Variants in CLNK observed in about 807,000 individuals in gnomAD.
CLNK encodes cytokine-dependent hematopoietic cell linker.
Under a neutral mutation model 68.6 loss-of-function variants are expected in CLNK, and 74 were observed. The ratio of observed to expected loss-of-function variants is 1.08; its 90% CI spans 0.89 to 1.31. The LOEUF is 1.31. CLNK is among the 50% of genes most tolerant of loss of function. The pLI is 0.00. For missense variants in CLNK, 553 were observed against 515.3 expected, an observed-to-expected ratio of 1.07 and a Z score of -0.71; for synonymous variants, 198 against 172.2, an observed-to-expected ratio of 1.15 and a Z score of -1.17.
At chr4:10,701,156 C>T in the CLNK span, among the ~76,000 whole-genome samples, 3 of 152,180 alleles carry the variant, frequency 2.0e-5, no homozygotes, top group Admixed American at 2.0e-4. Flanking sequence ...ATAGCTGTTT[C>T]ATTTGTTTGT....
intron 7 of CLNK, among the ~76,000 whole-genome samples, chr4:10,564,267 G>A (rs542202924): frequency 2.0e-4 from 31 of 152,080 alleles, no homozygotes; most frequent in African/African-American, 7.0e-4. Flanking sequence ...GGCTTAGAGA[G>A]GTTTCATGAC....
chr4:10,624,630 A>G (rs1156640336), intron 2 of CLNK, among the ~76,000 whole-genome samples: 1 of 132,776 alleles, frequency 7.5e-6, no homozygotes, highest in Non-Finnish European at 1.6e-5. Flanking sequence ...AACTTATTTG[A>G]TAGCAAATAC....
At chr4:10,501,916 G>A (rs879916542) in intron 17 of CLNK, among the ~76,000 whole-genome samples, 20 of 152,192 alleles carry the variant, frequency 1.3e-4, no homozygotes, top group Admixed American at 3.3e-4. Flanking sequence ...AACAGAGCAG[G>A]ACTCTGGTTC....
intron 1 of CLNK, among the ~76,000 whole-genome samples, chr4:10,673,258 T>C (rs949931818): frequency 1.3e-5 from 2 of 152,172 alleles, no homozygotes; most frequent in African/African-American, 4.8e-5. Flanking sequence ...TAAGGTATTA[T>C]GGGAACACAG....
intron 8 of CLNK, among the ~76,000 whole-genome samples, chr4:10,547,340 A>G (rs867076867): frequency 3.5e-4 from 54 of 152,178 alleles, no homozygotes; most frequent in African/African-American, 1.3e-3. Context: ...AGAGCTTTAC[A>G]TATTTACTGT....
In CLNK at chr4:10,488,121, T is replaced by C. The variant is rs966473036; in HGVS notation, c.*2346A>G. 2.0e-5 allele frequency: 3 copies of C among 152,224 alleles called. No homozygotes were observed. The highest frequency in any genetic ancestry group is 7.2e-5 in the African/African-American group (3 of 41,450). 9.4% of individuals were successfully genotyped at this position (152,224 alleles called of 1,614,324 possible). ...TTTAATTTCTTTTTTTTCTTCCTTT[T>C]CCCCTCATTCTTGCTGTCATCTTAA... On this transcript the variant is annotated 3_prime_UTR_variant, in exon 19 of 19. Transcript: ENST00000226951.
intron 2 of CLNK, among the ~76,000 whole-genome samples, chr4:10,646,675 C>G (rs1351404651): frequency 6.6e-6 from 1 of 152,046 alleles, no homozygotes; most frequent in Admixed American, 6.6e-5. Flanking sequence ...GGGCTTTCTT[C>G]TCTCACCTGC....
At chr4:10,527,620 T>A (rs35577745) in intron 13 of CLNK, among the ~76,000 whole-genome samples, 7,196 of 152,194 alleles carry the variant, frequency 0.047, 180 homozygotes, top group African/African-American at 0.076. Flanking sequence ...AGGATATGAG[T>A]GACTGTTGGA....
chr4:10,604,435 CGAG>C (rs1423162969), intron 2 of CLNK, among the ~76,000 whole-genome samples: 1 of 152,088 alleles, frequency 6.6e-6, no homozygotes, highest in Non-Finnish European at 1.5e-5. Flanking sequence ...TCTTCTAAGC[CGAG>C]GAGATTTTTA....
the CLNK span, among the ~76,000 whole-genome samples, chr4:10,707,018 G>C: frequency 8.0e-5 from 9 of 113,020 alleles, no homozygotes; most frequent in South Asian, 2.8e-3. Context: ...CTGAGTTCAG[G>C]CAATCCACCT....
At position 10,489,117 on chromosome 4, in the gene CLNK, C is replaced by T. The variant is rs1716459881; in HGVS notation, c.*1350G>A. ...AACTTGATTGTAAAATGTCACAGCG[C>T]AGAGAATGTACCTGGGAAGATGAGC... is the stretch of plus-strand genomic sequence containing the variant. On this transcript the variant is annotated 3_prime_UTR_variant, in exon 19 of 19. Coordinates refer to ENST00000226951, the MANE Select transcript of CLNK (RefSeq NM_052964.4). 6.6e-6 allele frequency: 1 copy of T among 151,834 alleles called. No individual in the cohort carries two copies. Among genetic ancestry groups the T allele is most frequent in the Admixed American group, 6.6e-5 (1 of 15,238 alleles). The allele number at this position is 151,834 out of a possible 1,614,324, so 9.4% of individuals were successfully genotyped here. A position where few individuals can be genotyped will look rare whatever the true frequency, so the allele number is the denominator to read the frequency against.
intron 4 of CLNK, among the ~76,000 whole-genome samples, chr4:10,577,191 G>C (rs1289488969): frequency 6.6e-6 from 1 of 152,184 alleles, no homozygotes; most frequent in Admixed American, 6.5e-5. Context: ...AGCCAGACAG[G>C]TTCCCCAAGC....
At chr4:10,705,969 A>G in the CLNK span, among the ~76,000 whole-genome samples, 1 of 152,208 alleles carries the variant, frequency 6.6e-6, no homozygotes, top group Non-Finnish European at 1.5e-5. Context: ...GTGATCCTGG[A>G]AAGGCATTTT....
At chr4:10,655,597 A>T (rs1471805709) in intron 2 of CLNK, among the ~76,000 whole-genome samples, 1 of 150,178 alleles carries the variant, frequency 6.7e-6, no homozygotes, top group East Asian at 2.0e-4. Context: ...GGTTTACGAC[A>T]GAGCTGGCAT....
chr4:10,508,045 C>T lies in CLNK; in HGVS notation c.907-9G>A. ...TCATTGTGCTGGACATCCTGCAGAACAGAATCAATGATAAATATTTTAGGG... is the reference window on the plus strand; with the variant it reads ...TCATTGTGCTGGACATCCTGCAGAATAGAATCAATGATAAATATTTTAGGG... On this transcript the variant is annotated splice_polypyrimidine_tract_variant and intron_variant, in intron 16 of 18. Transcript: ENST00000226951. The T allele has an allele frequency of 6.3e-7, 1 of 1,599,002 alleles. No homozygotes were observed. The highest frequency in any genetic ancestry group is 8.5e-7 in the Non-Finnish European group (1 of 1,171,750).
chr4:10,505,117 C>T (rs894216608), intron 17 of CLNK, among the ~76,000 whole-genome samples: 4 of 152,150 alleles, frequency 2.6e-5, no homozygotes, highest in African/African-American at 9.7e-5. Context: ...GTGTACTGGG[C>T]ACTGATTAGC....
At chr4:10,530,100 G>A (rs1366048035) in intron 12 of CLNK, among the ~76,000 whole-genome samples, 1 of 147,430 alleles carries the variant, frequency 6.8e-6, no homozygotes, top group Admixed American at 6.9e-5. Flanking sequence ...AGTTATTTTA[G>A]TTCAGAGCTA....
rs554022295 is a variant in CLNK, at chr4:10,600,278, T to A, written c.12-2229A>T. Among the ~76,000 whole-genome samples the A allele has an allele frequency of 2.0e-5, 3 of 152,360 alleles. No homozygotes were observed. In the South Asian group the frequency reaches 6.2e-4, roughly 32 times the overall value. On this transcript the variant is annotated intron_variant, in intron 2 of 18. Coordinates refer to ENST00000226951, the MANE Select transcript of CLNK (RefSeq NM_052964.4). ...TCCCCGTGAACTCTTCCCTGCTGCT[T>A]CCGCTTTGAGTCCCTCTGGTACTTT...
the CLNK span, among the ~76,000 whole-genome samples, chr4:10,733,902 G>T: frequency 1.3e-5 from 2 of 152,196 alleles, no homozygotes; most frequent in African/African-American, 2.4e-5. Context: ...CTGAAGAGTC[G>T]TTTCTGAATA....
Sources: gnomAD v4.1 joint callset for allele counts (sites outside exome capture counted in the v4.1 genomes callset) on GRCh38, gnomAD v4.1.1 for gene constraint, MANE v1.5 for transcripts, NCBI Gene and HGNC (gene_info 2026-07-23, HGNC 2026-07-21) for gene names.